The following TBX15 variants were observed in gnomAD, a reference collection of about 807,000 sequenced individuals.
The protein encoded by TBX15 is T-box transcription factor 15.
TBX15 carries 18 observed loss-of-function variants against 53.9 expected under a neutral mutation model. The observed-to-expected ratio is 0.33, with a 90% CI of 0.23 to 0.49. The LOEUF is 0.49. Among genes scored for constraint, TBX15 ranks in the 20% least tolerant of loss-of-function variants. The pLI is 0.98. For synonymous variants in TBX15, 295 were observed against 278.0 expected (o/e 1.06, Z -0.61); for missense variants, 692 against 749.5 (o/e 0.92, Z 0.90).
intron 1 of TBX15, among the ~76,000 whole-genome samples, chr1:118,941,979 CTGTGTA>C (rs1656190360): frequency 6.6e-6 from 1 of 152,136 alleles, no homozygotes; most frequent in African/African-American, 2.4e-5. Flanking sequence ...AACAAGGTGC[CTGTGTA>C]TGTGTATTTG....
At chr1:118,918,262 C>G (rs1320297406) in intron 5 of TBX15, among the ~76,000 whole-genome samples, 1 of 152,112 alleles carries the variant, frequency 6.6e-6, no homozygotes, top group Admixed American at 6.5e-5. Flanking sequence ...TAACTCCCCC[C>G]GGACCACAGG....
chr1:118,989,443 C>G (rs1182395713), upstream of TBX15: 1 of 152,328 alleles, frequency 6.6e-6, no homozygotes, highest in South Asian at 2.1e-4. Flanking sequence ...CGGTCCTAGC[C>G]AAGCTGAAAA....
chr1:118,932,570 T>G (rs552353874), intron 1 of TBX15, among the ~76,000 whole-genome samples: 60 of 152,290 alleles, frequency 3.9e-4, no homozygotes, highest in African/African-American at 1.3e-3. Flanking sequence ...CTTGATTGGT[T>G]TCTGAAGTAT....
intron 5 of TBX15, among the ~76,000 whole-genome samples, chr1:118,922,623 T>C (rs1156920305): frequency 6.6e-6 from 1 of 152,208 alleles, no homozygotes; most frequent in African/African-American, 2.4e-5. Context: ...ATCTTAACCA[T>C]GGTATCCTGC....
At chr1:118,955,177 G>T (rs1346248481) in intron 1 of TBX15, among the ~76,000 whole-genome samples, 4 of 152,010 alleles carry the variant, frequency 2.6e-5, no homozygotes, top group African/African-American at 9.7e-5. Flanking sequence ...ATCTAAAAGG[G>T]GCTTTTAAAT....
At position 118,884,199 on chromosome 1, in the gene TBX15, C is replaced by T. The variant is rs538654046; in HGVS notation, c.*533G>A. The T allele has an allele frequency of 1.3e-5, 2 of 158,070 alleles. No homozygotes were observed. The highest frequency in any genetic ancestry group is 3.8e-4 in the South Asian group (2 of 5,318). 9.8% of individuals were successfully genotyped at this position (158,070 alleles called of 1,614,324 possible). ...AGAAAGACTGGCAGCTACTGCTGGCCCACTCCATCTAGAGTTGTACACAGA... is the reference window on the plus strand; with the variant it reads ...AGAAAGACTGGCAGCTACTGCTGGCTCACTCCATCTAGAGTTGTACACAGA... On this transcript the variant is annotated 3_prime_UTR_variant, in exon 8 of 8. Coordinates refer to ENST00000369429, the MANE Select transcript of TBX15 (RefSeq NM_001330677.2).
At chr1:118,946,512 C>G (rs1487975597) in intron 1 of TBX15, among the ~76,000 whole-genome samples, 1 of 152,206 alleles carries the variant, frequency 6.6e-6, no homozygotes, top group African/African-American at 2.4e-5. Context: ...ATCCATCTTT[C>G]CAAGCTCTAT....
intron 1 of TBX15, among the ~76,000 whole-genome samples, chr1:118,975,644 T>C (rs1657398975): frequency 6.6e-6 from 1 of 152,182 alleles, no homozygotes; most frequent in African/African-American, 2.4e-5. Flanking sequence ...AATTTCCTCA[T>C]TGGTAAAATG....
chr1:118,939,943 C>T (rs1275913318), intron 1 of TBX15, among the ~76,000 whole-genome samples: 1 of 151,726 alleles, frequency 6.6e-6, no homozygotes, highest in Admixed American at 6.6e-5. Flanking sequence ...ATATAAGAAA[C>T]CTGAGGCATG....
intron 1 of TBX15, among the ~76,000 whole-genome samples, chr1:118,941,941 C>T (rs1401051013): frequency 6.6e-6 from 1 of 152,178 alleles, no homozygotes; most frequent in Non-Finnish European, 1.5e-5. Flanking sequence ...TCATTGGTAT[C>T]TACTTTGTGA....
chr1:118,938,700 G>A (rs1656045526), intron 1 of TBX15, among the ~76,000 whole-genome samples: 1 of 152,176 alleles, frequency 6.6e-6, no homozygotes, highest in African/African-American at 2.4e-5. Context: ...TCTGACTGGT[G>A]TGAGATAGTA....
intron 7 of TBX15, among the ~76,000 whole-genome samples, chr1:118,890,505 T>C (rs1654102241): frequency 6.6e-6 from 1 of 152,074 alleles, no homozygotes; most frequent in African/African-American, 2.4e-5. Context: ...CATGGGCCAA[T>C]ATGAGGTGAC....
chr1:118,987,652 G>A lies in TBX15; in HGVS notation c.144C>T (p.Ser48=), dbSNP rs1042993997. ...KGLDLSMEAL[S]PAGPLGDTED... ...CCGTGTCTCCGAGTGGGCCCGCGGG[G>A]CTCAGCGCCTCCATAGACAGGTCCA... is the stretch of plus-strand genomic sequence containing the variant. The change falls in exon 1 of 8, where the codon AGC becomes AGT. Residue 48 remains serine, a synonymous_variant. Coordinates refer to ENST00000369429, the MANE Select transcript of TBX15 (RefSeq NM_001330677.2). 1 of 1,550,182 alleles carries A rather than the reference G, an allele frequency of 6.5e-7. No homozygotes were observed. The highest frequency in any genetic ancestry group is 8.7e-7 in the Non-Finnish European group (1 of 1,146,820).
intron 1 of TBX15, among the ~76,000 whole-genome samples, chr1:118,969,443 T>C (rs1287740233): frequency 6.6e-6 from 1 of 152,226 alleles, no homozygotes; most frequent in African/African-American, 2.4e-5. Flanking sequence ...CAAATCTTTA[T>C]GGACAATATA....
chr1:118,982,545 C>G (rs562812621), intron 1 of TBX15, among the ~76,000 whole-genome samples: 6 of 152,326 alleles, frequency 3.9e-5, no homozygotes, highest in South Asian at 4.1e-4. Context: ...TGTTTACACT[C>G]ATGAAGCACA....
Position 118,884,756 on chromosome 1 carries a change from G to A in TBX15, c.1785C>T (p.Ser595=). Residue 595 remains serine, a synonymous_variant, in exon 8 of 8, where the codon TCC becomes TCT. Coordinates refer to ENST00000369429, the MANE Select transcript of TBX15 (RefSeq NM_001330677.2). ...RQYGAVPGSS[S]QMSVHMV The stretch of plus-strand genomic sequence containing the variant: ...TTTAAACCATGTGCACGGACATCTG[G>A]GAGGAGGAGCCTGGAACTGCCCCAT... 1 of 1,614,134 alleles carries A rather than the reference G, an allele frequency of 6.2e-7. No homozygotes were observed. Among genetic ancestry groups the A allele is most frequent in the South Asian group, 1.1e-5 (1 of 91,078 alleles).
In TBX15 at chr1:118,891,283, GCT is replaced by G. The variant is rs144776416; in HGVS notation, c.1025-5769_1025-5768del. Among the ~76,000 whole-genome samples, 734 of 152,282 alleles carry G rather than the reference GCT, an allele frequency of 4.8e-3. 9 individuals carry two copies. The highest frequency in any genetic ancestry group is 0.017 in the African/African-American group (697 of 41,546). On this transcript the variant is annotated intron_variant, in intron 7 of 7. Coordinates refer to ENST00000369429, the MANE Select transcript of TBX15 (RefSeq NM_001330677.2). ...CTCATTTTGCACATTGGTACTCTGT[GCT>G]CTGAGTGTCTCCGCTTCTTAGATGG...
At chr1:118,890,716 G>T in intron 7 of TBX15, 1 of 356,166 alleles carries the variant, frequency 2.8e-6, no homozygotes, top group Admixed American at 4.2e-5. Context: ...TCTCTAAATT[G>T]ATCATTTCCA....
At chr1:118,945,446 T>C (rs1656317855) in intron 1 of TBX15, among the ~76,000 whole-genome samples, 1 of 152,106 alleles carries the variant, frequency 6.6e-6, no homozygotes, top group African/African-American at 2.4e-5. Context: ...GTTTTGAGGG[T>C]TACTGCACAC....
Sources: gnomAD v4.1 joint callset for allele counts (sites outside exome capture counted in the v4.1 genomes callset) on GRCh38, gnomAD v4.1.1 for gene constraint, MANE v1.5 for transcripts, NCBI Gene and HGNC (gene_info 2026-07-23, HGNC 2026-07-21) for gene names.